DIAPH3: variants seen among roughly 807,000 people sequenced by gnomAD.
DIAPH3 encodes protein diaphanous homolog 3.
A neutral mutation model predicts 144.3 loss-of-function variants in DIAPH3; 117 were observed. That is an observed-to-expected ratio of 0.81 (90% CI 0.70 to 0.95). The LOEUF is 0.95. Ranked by LOEUF, DIAPH3 falls within the 40% of genes least tolerant of loss-of-function variation. DIAPH3 has a pLI of 0.00. For synonymous variants in DIAPH3, 519 were observed against 488.9 expected, an observed-to-expected ratio of 1.06 and a Z score of -0.81; for missense variants, 1,421 against 1,412.7, an observed-to-expected ratio of 1.01 and a Z score of -0.09.
At chr13:60,032,388 G>A (rs1403347248) in intron 5 of DIAPH3, among the ~76,000 whole-genome samples, 1 of 152,324 alleles carries the variant, frequency 6.6e-6, no homozygotes, top group African/African-American at 2.4e-5. Flanking sequence ...CCCTACAGCA[G>A]TGTTCTACCT....
chr13:59,822,730 C>A (rs1242024554), intron 24 of DIAPH3, among the ~76,000 whole-genome samples: 2 of 152,052 alleles, frequency 1.3e-5, no homozygotes, highest in African/African-American at 2.4e-5. Context: ...CCTGAGCCAC[C>A]AGGCCTAGCC....
intron 27 of DIAPH3, among the ~76,000 whole-genome samples, chr13:59,733,731 A>G (rs1249017804): frequency 2.0e-5 from 3 of 152,230 alleles, no homozygotes; most frequent in African/African-American, 7.2e-5. Flanking sequence ...AGCACTGTTC[A>G]GTGAGGACAG....
At position 59,872,705 on chromosome 13, in the gene DIAPH3, T is replaced by C. The variant is rs138578226; in HGVS notation, c.2607+6524A>G. Among the ~76,000 whole-genome samples, 564 of 152,344 alleles carry C rather than the reference T, an allele frequency of 3.7e-3. 4 individuals are homozygous for C. The highest frequency in any genetic ancestry group is 0.013 in the African/African-American group (546 of 41,586). On this transcript the variant is annotated intron_variant, in intron 21 of 27. Coordinates refer to ENST00000400324, the MANE Select transcript of DIAPH3 (RefSeq NM_001042517.2). ...TGGTTTTTATTTTTCATTTATAAAA[T>C]ATATAAAAGTGAAGTCTGAATTAAA...
intron 1 of DIAPH3, among the ~76,000 whole-genome samples, chr13:60,160,640 C>T (rs941536422): frequency 7.2e-5 from 11 of 152,210 alleles, no homozygotes; most frequent in Non-Finnish European, 1.2e-4. Context: ...TTAATTCCTA[C>T]GGAATTTTAT....
At chr13:59,763,254 GTA>G (rs2037696551) in intron 27 of DIAPH3, among the ~76,000 whole-genome samples, 1 of 151,010 alleles carries the variant, frequency 6.6e-6, no homozygotes, top group Non-Finnish European at 1.5e-5. Context: ...ACATATAAGT[GTA>G]TATACATATG....
intron 27 of DIAPH3, among the ~76,000 whole-genome samples, chr13:59,741,870 C>T (rs2139051986): frequency 6.6e-6 from 1 of 152,172 alleles, no homozygotes; most frequent in East Asian, 1.9e-4. Context: ...ATGACTGAGA[C>T]CCCTATAACG....
intron 2 of DIAPH3, among the ~76,000 whole-genome samples, chr13:60,132,521 G>A (rs1012612192): frequency 3.3e-5 from 5 of 152,216 alleles, no homozygotes; most frequent in East Asian, 1.9e-4. Flanking sequence ...CATAAAAAAC[G>A]TAGTAAGGCA....
intron 14 of DIAPH3, among the ~76,000 whole-genome samples, chr13:59,976,041 C>T (rs923094605): frequency 2.0e-5 from 3 of 151,948 alleles, no homozygotes; most frequent in Non-Finnish European, 4.4e-5. Flanking sequence ...TGCCTTCACA[C>T]CTCCCTTGCA....
chr13:60,101,854 A>C (rs1014606465), intron 3 of DIAPH3, among the ~76,000 whole-genome samples: 2 of 152,070 alleles, frequency 1.3e-5, no homozygotes, highest in African/African-American at 4.8e-5. Context: ...AAAAACCTCC[A>C]GTTTCTTGAC....
intron 25 of DIAPH3, among the ~76,000 whole-genome samples, chr13:59,789,850 A>C (rs2039238999): frequency 6.6e-6 from 1 of 152,182 alleles, no homozygotes; most frequent in Non-Finnish European, 1.5e-5. Context: ...GCATAGTGTG[A>C]AGGTGTCAAG....
intron 1 of DIAPH3, among the ~76,000 whole-genome samples, chr13:60,142,559 C>A (rs1247451078): frequency 1.3e-5 from 2 of 152,112 alleles, no homozygotes; most frequent in Non-Finnish European, 2.9e-5. Flanking sequence ...AGGAGTCCCC[C>A]CAAGAGGTCT....
chr13:59,878,906 C>T (rs1040840325), intron 21 of DIAPH3, among the ~76,000 whole-genome samples: 1 of 152,046 alleles, frequency 6.6e-6, no homozygotes, highest in Non-Finnish European at 1.5e-5. Context: ...ATACAGGTAT[C>T]TGAACTGAGT....
chr13:59,763,189 T>C (rs906857758), intron 27 of DIAPH3, among the ~76,000 whole-genome samples: 3 of 152,174 alleles, frequency 2.0e-5, no homozygotes, highest in Admixed American at 6.5e-5. Context: ...TGTTTCCTAA[T>C]TCTTTTTCAT....
At chr13:59,965,568 T>A (rs2050000235) in intron 17 of DIAPH3, among the ~76,000 whole-genome samples, 1 of 151,754 alleles carries the variant, frequency 6.6e-6, no homozygotes, top group Non-Finnish European at 1.5e-5. Context: ...ACATAGGTCA[T>A]TAGCATTATT....
At chr13:59,788,151 T>C (rs2039132891) in intron 25 of DIAPH3, among the ~76,000 whole-genome samples, 1 of 152,220 alleles carries the variant, frequency 6.6e-6, no homozygotes, top group African/African-American at 2.4e-5. Context: ...TAATTAAAGA[T>C]ATTCTAAATA....
intron 5 of DIAPH3, among the ~76,000 whole-genome samples, chr13:60,036,161 C>G (rs145128340): frequency 1.1e-4 from 16 of 152,296 alleles, no homozygotes; most frequent in African/African-American, 3.6e-4. Context: ...GTCCAATCAT[C>G]CTTGCAGATT....
intron 22 of DIAPH3, among the ~76,000 whole-genome samples, chr13:59,844,758 A>T (rs938379817): frequency 6.6e-6 from 1 of 152,284 alleles, no homozygotes; most frequent in East Asian, 1.9e-4. Context: ...CATTTTCCTC[A>T]GTTAACATTC....
intron 25 of DIAPH3, among the ~76,000 whole-genome samples, chr13:59,788,863 T>C (rs2039178213): frequency 6.6e-6 from 1 of 152,222 alleles, no homozygotes; most frequent in South Asian, 2.1e-4. Context: ...TTAGCAATTA[T>C]TCCACCACAT....
chr13:59,992,231 A>G, intron 10 of DIAPH3, 45 bp from the exon 11 acceptor site: 1 of 1,474,908 alleles, frequency 6.8e-7, no homozygotes, highest in Non-Finnish European at 9.4e-7. Flanking sequence ...TTTGTTTTTA[A>G]TTATGCAAAA....
Sources: allele counts gnomAD v4.1 joint callset (sites outside exome capture counted in the v4.1 genomes callset), GRCh38; gene constraint gnomAD v4.1.1; transcripts MANE v1.5; gene names NCBI Gene and HGNC (gene_info 2026-07-23, HGNC 2026-07-21).